Variants in TRABD2A observed in about 807,000 individuals in gnomAD.
The protein encoded by TRABD2A is TraB domain containing 2A, also known as metalloprotease TIKI1.
Under a neutral mutation model 45.6 loss-of-function variants are expected in TRABD2A, and 43 were observed. The ratio of observed to expected loss-of-function variants is 0.94; its 90% CI spans 0.74 to 1.22. TRABD2A has a LOEUF of 1.22. Ranked by LOEUF, TRABD2A falls within the 50% of genes most tolerant of loss-of-function variation. The probability of loss-of-function intolerance (pLI) is 0.00; values close to 1 mark genes in which losing one functional copy is unlikely to be tolerated. For missense variants in TRABD2A, 642 were observed against 652.4 expected (o/e 0.98, Z 0.17); for synonymous variants, 269 against 265.0 (o/e 1.02, Z -0.15).
rs759046418 is a variant in TRABD2A, at chr2:84,832,051, T to C, written c.1082+4A>G. On this transcript the variant is annotated splice_donor_region_variant and intron_variant, in intron 5 of 6. Coordinates refer to ENST00000409520, the MANE Select transcript of TRABD2A (RefSeq NM_001277053.2). ...CAGCCAAGATAGAAGCACAGGACGG[T>C]TACTTGTGGATGGGTCGTCCAGCAG... The C allele has an allele frequency of 6.2e-7, 1 of 1,613,730 alleles. No individual in the cohort carries two copies.
chr2:84,863,721 C>A (rs1013038137), intron 2 of TRABD2A, among the ~76,000 whole-genome samples: 1 of 146,142 alleles, frequency 6.8e-6, no homozygotes, highest in African/African-American at 2.5e-5. Context: ...AAGTGATTAT[C>A]CTGCCTCAGC....
intron 3 of TRABD2A, among the ~76,000 whole-genome samples, chr2:84,840,298 G>A (rs749530236): frequency 1.3e-5 from 2 of 151,428 alleles, no homozygotes; most frequent in Non-Finnish European, 2.9e-5. Context: ...TTTTAATCAT[G>A]TCATTTATGT....
chr2:84,855,838 G>A (rs572067835), intron 2 of TRABD2A, among the ~76,000 whole-genome samples: 16 of 152,292 alleles, frequency 1.1e-4, no homozygotes, highest in African/African-American at 3.8e-4. Context: ...GGGGTTGAGG[G>A]GGTGGGTGAG....
chr2:84,872,506 A>G (rs542918682), intron 1 of TRABD2A, among the ~76,000 whole-genome samples: 1 of 152,076 alleles, frequency 6.6e-6, no homozygotes, highest in South Asian at 2.1e-4. Flanking sequence ...TCTCAGAAAA[A>G]GAAAGAAAGA....
intron 4 of TRABD2A, chr2:84,838,346 G>T: frequency 1.5e-6 from 1 of 670,882 alleles, no homozygotes; most frequent in Non-Finnish European, 2.7e-6. Flanking sequence ...TAGGATTGTT[G>T]CAAGCCTTTA....
chr2:84,863,522 G>T (rs1050209848), intron 2 of TRABD2A, among the ~76,000 whole-genome samples: 3 of 150,838 alleles, frequency 2.0e-5, no homozygotes, highest in African/African-American at 7.3e-5. Context: ...GTGAGCCACC[G>T]CGCCTGGCCC....
intron 4 of TRABD2A, among the ~76,000 whole-genome samples, chr2:84,838,806 C>G (rs1391853845): frequency 6.6e-6 from 1 of 152,174 alleles, no homozygotes; most frequent in Non-Finnish European, 1.5e-5. Context: ...AGAGTAAAGA[C>G]AAACATATTT....
chr2:84,824,292 G>A, intron 5 of TRABD2A, 88 bp from the exon 6 acceptor site: 1 of 1,521,452 alleles, frequency 6.6e-7, no homozygotes, highest in Non-Finnish European at 8.8e-7. Context: ...AGGGTTTCAA[G>A]ACAAAGGCAG....
At chr2:84,826,749 G>A (rs1459552492) in intron 5 of TRABD2A, among the ~76,000 whole-genome samples, 7 of 152,180 alleles carry the variant, frequency 4.6e-5, no homozygotes, top group Admixed American at 6.5e-5. Context: ...GGCCAGGCTG[G>A]TCTTGAGCTC....
At chr2:84,858,639 C>G (rs984647869) in intron 2 of TRABD2A, among the ~76,000 whole-genome samples, 7 of 152,168 alleles carry the variant, frequency 4.6e-5, no homozygotes, top group Non-Finnish European at 1.0e-4. Flanking sequence ...CACTTCTGCT[C>G]CCAGCAACCA....
At chr2:84,868,540 G>A (rs1025224947) in intron 2 of TRABD2A, among the ~76,000 whole-genome samples, 2 of 147,228 alleles carry the variant, frequency 1.4e-5, no homozygotes, top group East Asian at 3.9e-4. Flanking sequence ...TAGTTAATTA[G>A]TTAATTAACT....
chr2:84,827,662 A>G (rs145872383), intron 5 of TRABD2A, among the ~76,000 whole-genome samples: 1 of 152,360 alleles, frequency 6.6e-6, no homozygotes, highest in East Asian at 1.9e-4. Flanking sequence ...GGAACTTTGC[A>G]GGTGTATTAA....
intron 6 of TRABD2A, among the ~76,000 whole-genome samples, chr2:84,823,547 A>C (rs889822684): frequency 5.3e-5 from 8 of 151,924 alleles, no homozygotes; most frequent in Admixed American, 1.3e-4. Context: ...TAGGGTCACG[A>C]CCCTTCCCTT....
chr2:84,857,223 G>T (rs1165488614), intron 2 of TRABD2A, among the ~76,000 whole-genome samples: 1 of 152,156 alleles, frequency 6.6e-6, no homozygotes. Context: ...CAATGCTGGG[G>T]CAACAATAAG....
Position 84,870,732 on chromosome 2 carries a change from G to A in TRABD2A, c.162C>T (p.Tyr54=). 6.2e-7 allele frequency: 1 copy of A among 1,600,754 alleles called. No individual in the cohort carries two copies. Among genetic ancestry groups the A allele is most frequent in the Non-Finnish European group, 8.5e-7 (1 of 1,173,526 alleles). Residue 54 remains tyrosine (Y), a synonymous_variant, in exon 2 of 7, where the codon TAC becomes TAT. Coordinates refer to ENST00000409520, the MANE Select transcript of TRABD2A (RefSeq NM_001277053.2). ...LWTIKRDPPS[Y]FFGTIHVPYT... ...ACGGGACATGGATTGTGCCAAAGAAGTAAGATGGTGGGTCTCGCTTAATGG... is the reference window on the plus strand; with the variant it reads ...ACGGGACATGGATTGTGCCAAAGAAATAAGATGGTGGGTCTCGCTTAATGG...
chr2:84,867,153 GA>G (rs150359615), intron 2 of TRABD2A, among the ~76,000 whole-genome samples: 2 of 151,690 alleles, frequency 1.3e-5, no homozygotes, highest in African/African-American at 2.4e-5. Context: ...GAAGTTACAT[GA>G]AAAAAAGACT....
chr2:84,832,141 ATGACCTGCAG>A lies in TRABD2A; in HGVS notation c.992-6_995del, dbSNP rs1391464216. Reference sequence around the variant, plus strand: ...CCAGCACTGTGTTGTTGCCCATGAAATGACCTGCAGTGAGAAAAACAACCTGAAATGCTGC... The same window carrying A: ...CCAGCACTGTGTTGTTGCCCATGAAATGAGAAAAACAACCTGAAATGCTGC... On this transcript the variant is annotated splice_acceptor_variant and splice_polypyrimidine_tract_variant and coding_sequence_variant and intron_variant, in exon 5 of 7. Transcript: ENST00000409520. LOFTEE classifies it high-confidence loss of function. The A allele has an allele frequency of 6.2e-7, 1 of 1,613,872 alleles. No individual in the cohort carries two copies. Among genetic ancestry groups the A allele is most frequent in the African/African-American group, 1.3e-5 (1 of 74,916 alleles).
chr2:84,859,951 G>T (rs541860536), intron 2 of TRABD2A, among the ~76,000 whole-genome samples: 4 of 125,868 alleles, frequency 3.2e-5, no homozygotes, highest in African/African-American at 8.4e-5. Flanking sequence ...TGGAGAGATG[G>T]GGGGGGGTCT....
At chr2:84,879,535 T>C (rs1241011984) in intron 1 of TRABD2A, 2 of 944,032 alleles carry the variant, frequency 2.1e-6, no homozygotes, top group Non-Finnish European at 2.5e-6. Context: ...GGTAGGACGA[T>C]GGAATAAAGG....
Sources: gnomAD v4.1 joint callset for allele counts (sites outside exome capture counted in the v4.1 genomes callset) on GRCh38, gnomAD v4.1.1 for gene constraint, MANE v1.5 for transcripts, NCBI Gene and HGNC (gene_info 2026-07-23, HGNC 2026-07-21) for gene names.